MROH2A: variants seen among roughly 807,000 people sequenced by gnomAD.
MROH2A encodes maestro heat like repeat family member 2A.
MROH2A carries 174 observed loss-of-function variants against 200.4 expected under a neutral mutation model. The ratio of observed to expected loss-of-function variants is 0.87; its 90% CI spans 0.77 to 0.98. The LOEUF (loss-of-function observed/expected upper bound fraction) is 0.98. MROH2A is among the 50% of genes least tolerant of loss of function. MROH2A has a pLI of 0.00. For missense variants in MROH2A, 2,045 were observed against 2,139.6 expected (o/e 0.96, Z 0.87); for synonymous variants, 829 against 840.4 (o/e 0.99, Z 0.23).
chr2:233,829,151 T>G, intron 37 of MROH2A, 79 bp downstream of exon 37: 1 of 1,359,014 alleles, frequency 7.4e-7, no homozygotes, highest in Non-Finnish European at 9.8e-7. Context: ...AGATGGGCTC[T>G]AGAGCAGAAA....
chr2:233,818,037 C>G lies in MROH2A; in HGVS notation c.2997C>G (p.Val999=). ...AGCTGGGGCAGTTTGGCACAATGGT[C>G]GGACTCATTGCCCCGTGCACCTGTG... ...HLKLGQFGTM[V]GLIAPCTCDA... Residue 999 remains valine, a synonymous_variant, in exon 28 of 42, where the codon GTC becomes GTG. Transcript: ENST00000389758. The G allele has an allele frequency of 6.4e-7, 1 of 1,550,990 alleles. No homozygotes were observed. Among genetic ancestry groups the G allele is most frequent in the South Asian group, 1.2e-5 (1 of 84,050 alleles).
intron 31 of MROH2A, 147 bp from the exon 32 acceptor site, chr2:233,821,977 A>G: frequency 1.1e-6 from 1 of 910,830 alleles, no homozygotes; most frequent in East Asian, 2.7e-5. Flanking sequence ...TAAGCACGCA[A>G]ATTTTGGCGG....
intron 10 of MROH2A, 49 bp from the exon 11 acceptor site, chr2:233,796,151 C>G (rs1702094488): frequency 6.6e-7 from 1 of 1,520,844 alleles, no homozygotes; most frequent in Non-Finnish European, 8.9e-7. Flanking sequence ...CTTGCTGGGC[C>G]TGCTCTGGAC....
chr2:233,820,133 A>G lies in MROH2A; in HGVS notation c.3512+77A>G. The stretch of plus-strand genomic sequence containing the variant: ...CCAACTCACCACCCCGATGTGTCCC[A>G]GAAGCCTGGAGCCTTGGGCAGTACC... On this transcript the variant is annotated intron_variant, in intron 31 of 41. Coordinates refer to ENST00000389758, the MANE Select transcript of MROH2A (RefSeq NM_001394639.1). The surrounding 1 kb of genome is among the most constrained non-coding windows in gnomAD (Gnocchi z 4.1). The G allele has an allele frequency of 7.5e-7, 1 of 1,329,526 alleles. No homozygotes were observed. The allele number at this position is 1,329,526 out of a possible 1,614,324, so 82.4% of individuals were successfully genotyped here.
intron 14 of MROH2A, among the ~76,000 whole-genome samples, chr2:233,801,298 C>T (rs1338631833): frequency 6.6e-6 from 1 of 150,574 alleles, no homozygotes; most frequent in African/African-American, 2.5e-5. Flanking sequence ...GCACAAGAGC[C>T]TCACCTTCAA....
chr2:233,804,645 G>A, intron 18 of MROH2A, 98 bp downstream of exon 18: 2 of 1,054,266 alleles, frequency 1.9e-6, no homozygotes, highest in South Asian at 1.4e-5. Flanking sequence ...GAGTTTAGAA[G>A]CCCCTAAAGG....
At position 233,796,113 on chromosome 2, in the gene MROH2A, C is replaced by G. The variant is rs151099222; in HGVS notation, c.1138+68C>G. ...TGCAGGAGGCCTGTAGGAGTCCCGG[C>G]CCCTCTGAGCGCTGGGCCTGGGACT... On this transcript the variant is annotated intron_variant, in intron 10 of 41. Transcript: ENST00000389758. 2.5e-4 allele frequency: 380 copies of G among 1,515,294 alleles called. 4 individuals are homozygous for G. The African/African-American group carries it at 4.5e-3, about 18-fold the overall frequency. 93.9% of individuals were successfully genotyped at this position (1,515,294 alleles called of 1,614,324 possible). A position where few individuals can be genotyped will look rare whatever the true frequency, so the allele number is the denominator to read the frequency against.
intron 23 of MROH2A, among the ~76,000 whole-genome samples, chr2:233,811,572 G>A (rs555700113): frequency 2.6e-5 from 4 of 152,342 alleles, no homozygotes; most frequent in Non-Finnish European, 5.9e-5. Flanking sequence ...GAGCAGCCCT[G>A]TAAAATGGGT....
chr2:233,790,086 C>G, intron 5 of MROH2A, 72 bp downstream of exon 5: 2 of 1,362,504 alleles, frequency 1.5e-6, no homozygotes, highest in East Asian at 5.1e-5. Flanking sequence ...CCCCTCCCAT[C>G]TATCCCTATG....
intron 3 of MROH2A, among the ~76,000 whole-genome samples, chr2:233,781,003 C>A (rs1321503287): frequency 6.6e-6 from 1 of 152,158 alleles, no homozygotes; most frequent in Non-Finnish European, 1.5e-5. Flanking sequence ...TCTATCTGTG[C>A]CTGACTCATT....
chr2:233,779,585 G>T (rs181198896), intron 2 of MROH2A, 86 bp from the exon 3 acceptor site: 5 of 1,447,300 alleles, frequency 3.5e-6, no homozygotes, highest in Admixed American at 2.0e-5. Context: ...CTGGAGCTGC[G>T]CAGGTGGAGG....
Position 233,828,705 on chromosome 2 carries a change from C to G in MROH2A, c.4189C>G (p.Gln1397Glu). The part of the protein sequence containing the change: ...AALLLEKGAD[Q>E]EEDEALRVLS... ...TTTGCTGCTGGAGAAGGGTGCCGAC[C>G]AGGAGGAAGACGAGGCCCTGCGGGT... The change falls in exon 36 of 42, where the codon CAG becomes GAG. Residue 1397 changes from glutamine (Q) to glutamate (E), a missense_variant. Physicochemically the swap from Gln to Glu is conservative, Grantham distance 29 (BLOSUM62 2). Coordinates refer to ENST00000389758, the MANE Select transcript of MROH2A (RefSeq NM_001394639.1). The surrounding 1 kb of genome is among the most constrained non-coding windows in gnomAD (Gnocchi z 4.6). The G allele has an allele frequency of 6.4e-7, 1 of 1,550,694 alleles. No individual in the cohort carries two copies.
intron 41 of MROH2A, 87 bp downstream of exon 41, chr2:233,832,731 A>G (rs1704859351): frequency 4.8e-6 from 3 of 623,502 alleles, no homozygotes; most frequent in Non-Finnish European, 5.6e-6. Flanking sequence ...GGGAAGAGCC[A>G]GAGGACCCTT....
At chr2:233,823,778 C>A (rs1007733942) in intron 35 of MROH2A, 114 bp downstream of exon 35, 34 of 1,356,106 alleles carry the variant, frequency 2.5e-5, no homozygotes, top group Non-Finnish European at 3.3e-5. Flanking sequence ...CAGGCGAGCG[C>A]CCCTCCTCTG....
chr2:233,807,705 C>T lies in MROH2A; in HGVS notation c.2173-28C>T, dbSNP rs1308401662. The T allele has an allele frequency of 6.4e-6, 10 of 1,550,532 alleles. No individual in the cohort carries two copies. The highest frequency in any genetic ancestry group is 1.7e-4 in the Middle Eastern group (1 of 6,004). On this transcript the variant is annotated intron_variant, in intron 20 of 41. Transcript: ENST00000389758. The surrounding 1 kb of genome is among the most constrained non-coding windows in gnomAD (Gnocchi z 4.3). ...TCCTCTGCCCACTGGCCCCTGCCCT[C>T]ACCCTGGCTGGCTGGGTCTCCCTGC...
chr2:233,788,664 G>A (rs955665759), intron 3 of MROH2A, among the ~76,000 whole-genome samples: 2 of 152,014 alleles, frequency 1.3e-5, no homozygotes, highest in African/African-American at 4.8e-5. Flanking sequence ...TCAGCCGGGC[G>A]TGGTGGCTCA....
intron 28 of MROH2A, 31 bp from the exon 29 acceptor site, chr2:233,818,621 C>T (rs1203438029): frequency 4.2e-6 from 6 of 1,414,972 alleles, no homozygotes; most frequent in Non-Finnish European, 5.9e-6. Flanking sequence ...TTTGTCCCTG[C>T]TGGTCATTTC....
intron 22 of MROH2A, 94 bp downstream of exon 22, chr2:233,809,372 G>A (rs1559465370): frequency 1.4e-5 from 20 of 1,380,704 alleles, no homozygotes; most frequent in Non-Finnish European, 1.9e-5. Flanking sequence ...TCCCTACCCA[G>A]GGGACATCCA....
chr2:233,802,435 A>G (rs1387797905), intron 15 of MROH2A, 120 bp downstream of exon 15: 22 of 1,166,606 alleles, frequency 1.9e-5, no homozygotes, highest in Middle Eastern at 5.9e-4. Flanking sequence ...GGAAACATCC[A>G]AGTCCAAATT....
Sources: gnomAD v4.1 joint callset for allele counts (sites outside exome capture counted in the v4.1 genomes callset) on GRCh38, gnomAD v4.1.1 for gene constraint, Gnocchi (gnomAD v3.1) non-coding constraint, MANE v1.5 for transcripts, NCBI Gene and HGNC (gene_info 2026-07-23, HGNC 2026-07-21) for gene names.